The following ARFGEF2 variants were observed in gnomAD, a reference collection of about 807,000 sequenced individuals.
The protein encoded by ARFGEF2 is ARF guanine nucleotide exchange factor 2.
A neutral mutation model predicts 219.9 loss-of-function variants in ARFGEF2; 74 were observed. The ratio of observed to expected loss-of-function variants is 0.34; its 90% confidence interval spans 0.28 to 0.41. The LOEUF is 0.41. ARFGEF2 is among the 10% of genes least tolerant of loss of function. ARFGEF2 has a pLI of 1.00. For missense variants in ARFGEF2, 1,743 were observed against 2,218.3 expected, an observed-to-expected ratio of 0.79 and a Z score of 4.30; for synonymous variants, 733 against 799.2, an observed-to-expected ratio of 0.92 and a Z score of 1.40.
rs779992427 is a variant in ARFGEF2, at chr20:48,984,753, G to C, written c.1983G>C (p.Gly661=). ...GGTTCAACAAGAAACCCAAGAGGGGGATCCAGTTTCTCCAGGAGCAGGGCA... is the reference window on the plus strand; with the variant it reads ...GGTTCAACAAGAAACCCAAGAGGGGCATCCAGTTTCTCCAGGAGCAGGGCA... ...IELFNKKPKR[G]IQFLQEQGML... The change falls in exon 15 of 39, where the codon GGG becomes GGC. Residue 661 remains glycine, a synonymous_variant. Transcript: ENST00000371917. 90 of 1,613,864 alleles carry C rather than the reference G, an allele frequency of 5.6e-5. No individual in the cohort carries two copies. In the South Asian group the frequency reaches 8.3e-4, roughly 15 times the overall value.
chr20:48,952,884 G>A lies in ARFGEF2; in HGVS notation c.603G>A (p.Val201=). Residue 201 remains valine, a splice_region_variant and synonymous_variant, in exon 5 of 39, where the codon GTG becomes GTA. Transcript: ENST00000371917. ...TTTTCACCCGCATGGAAAACCAAGT[G>A]GTGAGTGACAGCACTTACGTGCTAG... ...NVIFTRMENQ[V]LQEARELEKP... is the part of the protein sequence containing the mutation. The A allele has an allele frequency of 3.1e-6, 5 of 1,614,222 alleles. No individual in the cohort carries two copies. Among genetic ancestry groups the A allele is most frequent in the Non-Finnish European group, 4.2e-6 (5 of 1,180,028 alleles).
rs1456809670 is a variant in ARFGEF2 at position 49,033,122 on chromosome 20, C to T, written c.5281C>T (p.Arg1761Trp). Residue 1761 changes from arginine to tryptophan, a missense_variant, in exon 39 of 39, where the codon CGG (arginine) becomes TGG (tryptophan). This residue lies in a region of ARFGEF2 where 578 missense variants were observed against 664.0 expected (regional missense o/e 0.87). Transcript: ENST00000371917. The stretch of plus-strand genomic sequence containing the variant: ...AGCAGTTCTGCGGAAGTTCTTCCTA[C>T]GGATAGGTGTTGTGTATAAGATATG... ...LRAVLRKFFL[R>W]IGVVYKIWIP... is the part of the protein sequence containing the mutation. 9.3e-6 allele frequency: 15 copies of T among 1,614,080 alleles called. No homozygotes were observed. Among genetic ancestry groups the T allele is most frequent in the Non-Finnish European group, 9.3e-6 (11 of 1,180,034 alleles).
At chr20:48,968,379 T>C (rs1488740861) in intron 8 of ARFGEF2, among the ~76,000 whole-genome samples, 3 of 152,106 alleles carry the variant, frequency 2.0e-5, no homozygotes. Flanking sequence ...ACCTATACTT[T>C]GTTACCCGTT....
At chr20:48,976,935 C>CATTTTATTTTATTTT (rs59427522) in intron 14 of ARFGEF2, among the ~76,000 whole-genome samples, 52 of 146,502 alleles carry the variant, frequency 3.5e-4, no homozygotes, top group African/African-American at 1.1e-3. Flanking sequence ...TTTTTTTAGG[C>CATTTTATTTTATTTT]ATTTTATTTT....
chr20:49,004,813 T>A (rs1488121997), intron 25 of ARFGEF2, among the ~76,000 whole-genome samples: 3 of 152,000 alleles, frequency 2.0e-5, no homozygotes, highest in Admixed American at 6.6e-5. Flanking sequence ...ATAATAATAA[T>A]AAAATGAAAT....
chr20:48,990,762 AACAG>A (rs1254408269), intron 20 of ARFGEF2, among the ~76,000 whole-genome samples: 1 of 152,326 alleles, frequency 6.6e-6, no homozygotes, highest in Admixed American at 6.5e-5. Flanking sequence ...CTTAGTATTC[AACAG>A]ACATAGTGGA....
intron 34 of ARFGEF2, among the ~76,000 whole-genome samples, chr20:49,022,021 A>AC (rs1046174173): frequency 6.6e-6 from 1 of 150,842 alleles, no homozygotes; most frequent in Non-Finnish European, 1.5e-5. Context: ...AGTGGCGCAC[A>AC]CCTGTAATCC....
chr20:49,036,112 G>A lies in ARFGEF2; in HGVS notation c.*2913G>A, dbSNP rs1600569126. On this transcript the variant is annotated 3_prime_UTR_variant, in exon 39 of 39. Coordinates refer to ENST00000371917, the MANE Select transcript of ARFGEF2 (RefSeq NM_006420.3). Reference sequence around the variant, plus strand: ...ACAAGTGTGACCATCTCATTCAAATGTTTGTTGTTATGATGCAAATGGATA... The same window carrying A: ...ACAAGTGTGACCATCTCATTCAAATATTTGTTGTTATGATGCAAATGGATA... The A allele has an allele frequency of 1.5e-5, 6 of 398,186 alleles. 1 individual carries two copies. Among genetic ancestry groups the A allele is most frequent in the African/African-American group, 4.1e-5 (2 of 48,712 alleles). 24.7% of individuals were successfully genotyped at this position (398,186 alleles called of 1,614,324 possible). A position where few individuals can be genotyped will look rare whatever the true frequency, so the allele number is the denominator to read the frequency against.
chr20:48,981,626 C>T (rs146786090), intron 14 of ARFGEF2, among the ~76,000 whole-genome samples: 70 of 152,310 alleles, frequency 4.6e-4, no homozygotes, highest in African/African-American at 1.6e-3. Flanking sequence ...ACCAATCAAA[C>T]GTAGATTTGG....
chr20:49,002,113 C>T (rs2091428717), intron 25 of ARFGEF2, among the ~76,000 whole-genome samples: 1 of 152,172 alleles, frequency 6.6e-6, no homozygotes, highest in South Asian at 2.1e-4. Flanking sequence ...TAGTGGACGC[C>T]TGTAATCCCA....
At chr20:48,936,114 G>A (rs1282559381) in intron 1 of ARFGEF2, among the ~76,000 whole-genome samples, 10 of 142,084 alleles carry the variant, frequency 7.0e-5, no homozygotes, top group Admixed American at 3.4e-4. Flanking sequence ...GCGGCTGGCC[G>A]GGCGGGGGGC....
chr20:48,971,132 G>A lies in ARFGEF2; in HGVS notation c.1203G>A (p.Leu401=), dbSNP rs747567218. ...EGPPDPKSHE[L]RSKVVSLQLL... ...TTTTCTTTGCCAGATCCCATGAGCT[G>A]CGTTCCAAGGTGGTTTCCCTGCAGC... Residue 401 remains leucine (L), a synonymous_variant, in exon 10 of 39, where the codon CTG becomes CTA. Coordinates refer to ENST00000371917, the MANE Select transcript of ARFGEF2 (RefSeq NM_006420.3). 87 of 1,613,994 alleles carry A rather than the reference G, an allele frequency of 5.4e-5. No homozygotes were observed. Among genetic ancestry groups the A allele is most frequent in the Non-Finnish European group, 7.0e-5 (83 of 1,180,018 alleles).
chr20:49,004,496 A>C (rs2091444671), intron 25 of ARFGEF2, among the ~76,000 whole-genome samples: 1 of 151,176 alleles, frequency 6.6e-6, no homozygotes, highest in African/African-American at 2.4e-5. Context: ...TAGCAAAAGA[A>C]AAAAAAAAGA....
chr20:48,957,885 G>A (rs1470582411), intron 6 of ARFGEF2, among the ~76,000 whole-genome samples: 2 of 152,144 alleles, frequency 1.3e-5, no homozygotes, highest in African/African-American at 4.8e-5. Flanking sequence ...TATGGATCCT[G>A]CCTATTAAGG....
intron 9 of ARFGEF2, among the ~76,000 whole-genome samples, chr20:48,970,884 T>C (rs2091223008): frequency 6.6e-6 from 1 of 152,160 alleles, no homozygotes; most frequent in Admixed American, 6.5e-5. Flanking sequence ...GCTCCTGCTG[T>C]ATTCTCTACT....
intron 4 of ARFGEF2, 81 bp downstream of exon 4, chr20:48,951,550 T>C: frequency 6.3e-7 from 1 of 1,585,870 alleles, no homozygotes; most frequent in South Asian, 1.1e-5. Flanking sequence ...ATTTACTATG[T>C]GTTAGTTGTC....
intron 35 of ARFGEF2, among the ~76,000 whole-genome samples, chr20:49,024,045 A>G (rs1270536025): frequency 6.6e-6 from 1 of 152,080 alleles, no homozygotes; most frequent in Non-Finnish European, 1.5e-5. Context: ...AATCACAGGT[A>G]ACTGGGGTTT....
intron 3 of ARFGEF2, among the ~76,000 whole-genome samples, chr20:48,944,522 G>A (rs1246441423): frequency 1.3e-5 from 2 of 152,152 alleles, no homozygotes; most frequent in African/African-American, 4.8e-5. Context: ...TGGCGCGATC[G>A]TGGCTCACTG....
intron 31 of ARFGEF2, among the ~76,000 whole-genome samples, chr20:49,016,913 C>T (rs1415720150): frequency 6.6e-6 from 1 of 152,038 alleles, no homozygotes; most frequent in Non-Finnish European, 1.5e-5. Context: ...GTTCAGGTGG[C>T]AAAAATTGGA....
Sources: gnomAD v4.1 joint callset for allele counts (sites outside exome capture counted in the v4.1 genomes callset) on GRCh38, gnomAD v4.1.1 for gene constraint, gnomAD v4.1.1 regional missense constraint, MANE v1.5 for transcripts, NCBI Gene and HGNC (gene_info 2026-07-23, HGNC 2026-07-21) for gene names.